Variants in CNTN4 observed in about 807,000 individuals in gnomAD.
CNTN4 encodes contactin 4.
In CNTN4, 77 loss-of-function variants were observed where a neutral mutation model predicts 122.5. The observed-to-expected ratio is 0.63, with a 90% CI of 0.52 to 0.76. The LOEUF (loss-of-function observed/expected upper bound fraction) is 0.76. Among genes scored for constraint, CNTN4 ranks in the 30% least tolerant of loss-of-function variants. CNTN4 has a pLI of 0.00. For missense variants in CNTN4, 1,256 were observed against 1,259.1 expected, an observed-to-expected ratio of 1.00 and a Z score of 0.04; for synonymous variants, 512 against 447.0, an observed-to-expected ratio of 1.15 and a Z score of -1.83.
chr3:2,499,161 C>T (rs2076530308), intron 3 of CNTN4, among the ~76,000 whole-genome samples: 1 of 152,132 alleles, frequency 6.6e-6, no homozygotes, highest in South Asian at 2.1e-4. Context: ...CTCTTGCATC[C>T]TCTAAAATAG....
intron 7 of CNTN4, among the ~76,000 whole-genome samples, chr3:2,863,464 T>TTTTTC (rs58652906): frequency 7.1e-6 from 1 of 140,408 alleles, no homozygotes; most frequent in East Asian, 2.3e-4. Flanking sequence ...TTTTTTTTTT[T>TTTTTC]CAGCATAAGA....
At chr3:2,762,895 G>A (rs1183398348) in intron 6 of CNTN4, among the ~76,000 whole-genome samples, 1 of 144,336 alleles carries the variant, frequency 6.9e-6, no homozygotes, top group Non-Finnish European at 1.5e-5. Flanking sequence ...GTATCTCATT[G>A]TGGTTTTGAT....
At chr3:2,645,202 A>G (rs550123801) in intron 4 of CNTN4, among the ~76,000 whole-genome samples, 3 of 152,040 alleles carry the variant, frequency 2.0e-5, no homozygotes, top group Non-Finnish European at 2.9e-5. Flanking sequence ...TTATCAATCT[A>G]TTGTGCTCTG....
chr3:2,740,354 G>A (rs766438367), intron 5 of CNTN4, among the ~76,000 whole-genome samples: 32 of 152,110 alleles, frequency 2.1e-4, no homozygotes, highest in Admixed American at 2.0e-4. Flanking sequence ...AGCAGGAACC[G>A]GTCTCTAAAT....
chr3:2,249,254 C>A (rs775793982), intron 2 of CNTN4, among the ~76,000 whole-genome samples: 1 of 151,802 alleles, frequency 6.6e-6, no homozygotes, highest in African/African-American at 2.4e-5. Flanking sequence ...AAGGTTGGGG[C>A]TGGGAGAGGA....
chr3:2,191,067 C>T (rs185904407), intron 2 of CNTN4, among the ~76,000 whole-genome samples: 15 of 152,034 alleles, frequency 9.9e-5, no homozygotes, highest in Middle Eastern at 3.4e-3. Flanking sequence ...TCATCTCAAG[C>T]TTACTGGCAT....
At chr3:2,752,501 G>A (rs1039479808) in intron 6 of CNTN4, among the ~76,000 whole-genome samples, 4 of 152,106 alleles carry the variant, frequency 2.6e-5, no homozygotes, top group Admixed American at 2.6e-4. Flanking sequence ...ATGTAGCTGG[G>A]AATACAGGCG....
At chr3:2,139,410 A>G (rs2034876790) in intron 2 of CNTN4, among the ~76,000 whole-genome samples, 1 of 152,194 alleles carries the variant, frequency 6.6e-6, no homozygotes, top group African/African-American at 2.4e-5. Context: ...GCACAGAATG[A>G]CTTCACATAC....
At chr3:2,409,695 TTC>T (rs1457393469) in intron 3 of CNTN4, among the ~76,000 whole-genome samples, 1 of 152,212 alleles carries the variant, frequency 6.6e-6, no homozygotes, top group East Asian at 1.9e-4. Flanking sequence ...AAAATTTCAT[TTC>T]TGTTTGAATA....
chr3:2,649,263 T>G (rs1024745235), intron 4 of CNTN4, among the ~76,000 whole-genome samples: 3 of 152,184 alleles, frequency 2.0e-5, no homozygotes, highest in African/African-American at 7.2e-5. Flanking sequence ...CAGCCTTATG[T>G]TGGAAGAAGA....
At chr3:2,257,619 C>T (rs751414520) in intron 2 of CNTN4, among the ~76,000 whole-genome samples, 17 of 152,140 alleles carry the variant, frequency 1.1e-4, no homozygotes, top group Non-Finnish European at 2.2e-4. Flanking sequence ...AAAAAGTGGG[C>T]AAATGATATG....
chr3:2,408,362 A>G (rs1025970240), intron 3 of CNTN4, among the ~76,000 whole-genome samples: 43 of 152,272 alleles, frequency 2.8e-4, no homozygotes, highest in African/African-American at 9.9e-4. Flanking sequence ...TTACTAATTC[A>G]TCTGGGAAAT....
At chr3:2,316,925 C>G (rs1395860058) in intron 2 of CNTN4, among the ~76,000 whole-genome samples, 1 of 152,120 alleles carries the variant, frequency 6.6e-6, no homozygotes, top group Non-Finnish European at 1.5e-5. Context: ...ATTAAGTTGA[C>G]AGTGATCCCA....
At chr3:2,365,264 C>CGT (rs1174025659) in intron 3 of CNTN4, among the ~76,000 whole-genome samples, 1 of 152,144 alleles carries the variant, frequency 6.6e-6, no homozygotes, top group Non-Finnish European at 1.5e-5. Context: ...GTAGTTCCTA[C>CGT]GTTTAACCTG....
Position 2,345,616 on chromosome 3 carries a change from C to T in CNTN4, c.-89+6383C>T, listed in dbSNP as rs571566403. Among the ~76,000 whole-genome samples, 7 of 152,042 alleles carry T rather than the reference C, an allele frequency of 4.6e-5. No homozygotes were observed. In the East Asian group the frequency reaches 9.7e-4, roughly 21 times the overall value. ...TGTATTAGGACCAGGTGATATGGTG[C>T]CAAATAATATATGTATATCTTCTGG... On this transcript the variant is annotated intron_variant, in intron 3 of 24. Coordinates refer to ENST00000418658, the MANE Select transcript of CNTN4 (RefSeq NM_175607.3).
At chr3:2,855,228 GT>G (rs2093605724) in intron 7 of CNTN4, among the ~76,000 whole-genome samples, 1 of 152,208 alleles carries the variant, frequency 6.6e-6, no homozygotes, top group Non-Finnish European at 1.5e-5. Context: ...GGACTGCCAT[GT>G]CATTGGCTTA....
At chr3:2,727,140 A>G (rs1465628922) in intron 4 of CNTN4, among the ~76,000 whole-genome samples, 2 of 152,196 alleles carry the variant, frequency 1.3e-5, no homozygotes, top group Non-Finnish European at 2.9e-5. Context: ...ATCTAGTCCC[A>G]GAAACTCGGA....
chr3:2,521,487 T>C (rs1422884978), intron 3 of CNTN4, among the ~76,000 whole-genome samples: 2 of 151,984 alleles, frequency 1.3e-5, no homozygotes, highest in African/African-American at 2.4e-5. Context: ...CCCTAGGACA[T>C]GGTTTTAAGT....
At chr3:3,005,244 T>C (rs1696502092) in intron 14 of CNTN4, among the ~76,000 whole-genome samples, 1 of 152,222 alleles carries the variant, frequency 6.6e-6, no homozygotes, top group African/African-American at 2.4e-5. Context: ...CTTCAGAAAG[T>C]GCTTTTCCCT....
Sources: gnomAD v4.1 joint callset for allele counts (sites outside exome capture counted in the v4.1 genomes callset) on GRCh38, gnomAD v4.1.1 for gene constraint, MANE v1.5 for transcripts, NCBI Gene and HGNC (gene_info 2026-07-23, HGNC 2026-07-21) for gene names.